Variants in WDFY3 observed in about 807,000 individuals in gnomAD.
The protein encoded by WDFY3 is WD repeat and FYVE domain-containing protein 3.
In WDFY3, 66 loss-of-function variants were observed where a neutral mutation model predicts 409.6. That is an observed-to-expected ratio of 0.16 (90% confidence interval 0.13 to 0.20). The LOEUF is 0.20. WDFY3 is among the 10% of genes least tolerant of loss of function. The pLI, the probability that WDFY3 is intolerant of heterozygous loss-of-function variation, is 1.00. For missense variants in WDFY3, 3,031 were observed against 4,298.1 expected (o/e 0.71, Z 8.24); for synonymous variants, 1,521 against 1,537.1 (o/e 0.99, Z 0.25).
chr4:84,686,024 C>G (rs1426052216), intron 62 of WDFY3, among the ~76,000 whole-genome samples: 1 of 152,162 alleles, frequency 6.6e-6, no homozygotes, highest in Non-Finnish European at 1.5e-5. Context: ...AGGTGTTGTT[C>G]TGAAAACCTC....
chr4:84,904,568 T>G (rs1766779309), intron 2 of WDFY3, among the ~76,000 whole-genome samples: 2 of 152,120 alleles, frequency 1.3e-5, no homozygotes, highest in Admixed American at 1.3e-4. Flanking sequence ...AGAAAGCACG[T>G]TTTAATATAA....
intron 36 of WDFY3, among the ~76,000 whole-genome samples, chr4:84,748,111 G>T (rs1190440267): frequency 6.6e-6 from 1 of 152,026 alleles, no homozygotes; most frequent in African/African-American, 2.4e-5. Flanking sequence ...TTTATTTGCA[G>T]CAAATTCATT....
chr4:84,916,597 A>T (rs1268936215), intron 2 of WDFY3, among the ~76,000 whole-genome samples: 1 of 152,204 alleles, frequency 6.6e-6, no homozygotes, highest in Non-Finnish European at 1.5e-5. Flanking sequence ...ACTGGATGTC[A>T]ATGTATCAAG....
intron 3 of WDFY3, among the ~76,000 whole-genome samples, chr4:84,864,799 G>C (rs1190123428): frequency 2.0e-5 from 3 of 152,164 alleles, no homozygotes; most frequent in African/African-American, 7.2e-5. Flanking sequence ...CTTGGAAACT[G>C]TGACTCTAGT....
chr4:84,678,890 T>G, intron 65 of WDFY3, 29 bp downstream of exon 65: 30 of 1,583,548 alleles, frequency 1.9e-5, no homozygotes, highest in Non-Finnish European at 2.2e-5. Flanking sequence ...ATATAAGGAG[T>G]GAGAAATAGA....
At position 84,695,561 on chromosome 4, in the gene WDFY3, T is replaced by C. The variant is rs142360881; in HGVS notation, c.8901+409A>G. Among the ~76,000 whole-genome samples, 964 of 130,972 alleles carry C rather than the reference T, an allele frequency of 7.4e-3. 13 individuals carry two copies. Among genetic ancestry groups the C allele is most frequent in the African/African-American group, 0.026 (921 of 35,290 alleles). The allele number at this position is 130,972 out of a possible 152,430, so 85.9% of individuals were successfully genotyped here. On this transcript the variant is annotated intron_variant, in intron 58 of 67. Transcript: ENST00000295888. ...AGAGAGAGAGAGAGAGAGGCACGCA[T>C]AGAGTAGTTTATTCTGACTGAGGCC... is the stretch of plus-strand genomic sequence containing the variant.
chr4:84,928,557 G>A (rs1770311358), intron 2 of WDFY3, among the ~76,000 whole-genome samples: 1 of 152,110 alleles, frequency 6.6e-6, no homozygotes, highest in Admixed American at 6.5e-5. Flanking sequence ...ACTGCTAGCT[G>A]GATGATATGG....
intron 59 of WDFY3, 149 bp downstream of exon 59, chr4:84,692,736 T>C: frequency 1.5e-6 from 1 of 676,512 alleles, no homozygotes; most frequent in Non-Finnish European, 2.3e-6. Flanking sequence ...ATATAAATAC[T>C]AGTAGGTATT....
At chr4:84,770,271 GC>G (rs936761860) in intron 30 of WDFY3, among the ~76,000 whole-genome samples, 36 of 151,376 alleles carry the variant, frequency 2.4e-4, no homozygotes, top group African/African-American at 8.3e-4. Flanking sequence ...CTCATGATCC[GC>G]CCTCCTCAGC....
intron 4 of WDFY3, 42 bp downstream of exon 4, chr4:84,860,370 C>T (rs376787761): frequency 1.4e-4 from 221 of 1,555,040 alleles, no homozygotes; most frequent in Admixed American, 8.9e-5. Flanking sequence ...CTTGTAGTGC[C>T]CCCCAGTCCC....
intron 52 of WDFY3, 88 bp from the exon 53 acceptor site, chr4:84,709,116 G>A: frequency 6.6e-7 from 1 of 1,524,110 alleles, no homozygotes; most frequent in Non-Finnish European, 8.9e-7. Flanking sequence ...ATGATGTAAA[G>A]GACAGTTTCT....
At chr4:84,792,254 T>C (rs1406590844) in intron 21 of WDFY3, among the ~76,000 whole-genome samples, 2 of 152,186 alleles carry the variant, frequency 1.3e-5, no homozygotes, top group African/African-American at 4.8e-5. Flanking sequence ...GGTAAAAATC[T>C]TATCCATGAG....
intron 46 of WDFY3, among the ~76,000 whole-genome samples, chr4:84,723,208 C>T (rs574791141): frequency 2.0e-5 from 3 of 152,274 alleles, no homozygotes; most frequent in East Asian, 3.9e-4. Flanking sequence ...TGTTCAACTA[C>T]GAACAGTTTC....
At chr4:84,782,349 T>A (rs1408896160) in intron 25 of WDFY3, among the ~76,000 whole-genome samples, 1 of 151,276 alleles carries the variant, frequency 6.6e-6, no homozygotes, top group Non-Finnish European at 1.5e-5. Context: ...TGATCATTAC[T>A]GACAAGAGGG....
chr4:84,942,272 G>C (rs1409638152), intron 1 of WDFY3, among the ~76,000 whole-genome samples: 1 of 151,832 alleles, frequency 6.6e-6, no homozygotes, highest in Non-Finnish European at 1.5e-5. Flanking sequence ...CAAAAACTGG[G>C]AGAAAGTATT....
At chr4:84,880,670 CATACATATAT>C (rs1763370881) in intron 3 of WDFY3, among the ~76,000 whole-genome samples, 2 of 55,204 alleles carry the variant, frequency 3.6e-5, no homozygotes, top group African/African-American at 1.6e-4. Context: ...ATAAGGGAAC[CATACATATAT>C]ATATATATAT....
Position 84,713,038 on chromosome 4 carries a change from T to A in WDFY3, c.8042+121A>T, listed in dbSNP as rs567638707. On this transcript the variant is annotated intron_variant, in intron 51 of 67. Transcript: ENST00000295888. ...CTTCCTTTAGTTTTCAGTATTTTTT[T>A]AAAAAAATTTGCAACCACCAGGGGA... 1.5e-3 allele frequency: 1,486 copies of A among 999,902 alleles called. 8 individuals carry two copies. Among genetic ancestry groups the A allele is most frequent in the African/African-American group, 0.012 (712 of 61,238 alleles). The allele number at this position is 999,902 out of a possible 1,614,324, so 61.9% of individuals were successfully genotyped here.
intron 61 of WDFY3, 144 bp downstream of exon 61, chr4:84,690,354 TCAAAAAAG>T: frequency 1.2e-5 from 14 of 1,123,246 alleles, no homozygotes; most frequent in African/African-American, 4.7e-5. Flanking sequence ...CCTTTTTTTT[TCAAAAAAG>T]TATTTCTAGC....
chr4:84,937,764 T>C (rs545187272), intron 1 of WDFY3, among the ~76,000 whole-genome samples: 1 of 152,124 alleles, frequency 6.6e-6, no homozygotes, highest in South Asian at 2.1e-4. Context: ...CCTGACTTCA[T>C]TTCCTACCAA....
Sources: gnomAD v4.1 joint callset for allele counts (sites outside exome capture counted in the v4.1 genomes callset) on GRCh38, gnomAD v4.1.1 for gene constraint, MANE v1.5 for transcripts, NCBI Gene and HGNC (gene_info 2026-07-23, HGNC 2026-07-21) for gene names.